SLCO1B3: variants seen among roughly 807,000 people sequenced by gnomAD.
SLCO1B3 encodes the protein liver-specific organic anion transporter 2.
A neutral mutation model predicts 71.8 loss-of-function variants in SLCO1B3; 72 were observed. The ratio of observed to expected loss-of-function variants is 1.00; its 90% CI spans 0.83 to 1.22. The LOEUF is 1.22. SLCO1B3 is among the 50% of genes most tolerant of loss of function. The pLI is 0.00. For missense variants in SLCO1B3, 911 were observed against 819.7 expected, an observed-to-expected ratio of 1.11 and a Z score of -1.36; for synonymous variants, 298 against 278.4, an observed-to-expected ratio of 1.07 and a Z score of -0.70.
In SLCO1B3 at chr12:20,867,986, G is replaced by A. The variant is rs146755096; in HGVS notation, c.727+5132G>A. 1.9e-3 allele frequency among the ~76,000 whole-genome samples: 288 copies of A among 152,242 alleles called. 1 individual carries two copies. The highest frequency in any genetic ancestry group is 6.8e-3 in the African/African-American group (282 of 41,560). On this transcript the variant is annotated intron_variant, in intron 8 of 15. Coordinates refer to ENST00000381545, the MANE Select transcript of SLCO1B3 (RefSeq NM_019844.4). ...CTCCTCTACCTGTTCAATGTGAAGAGATGAGGATGATGAAAAGCGTTATGA... is the reference window on the plus strand; with the variant it reads ...CTCCTCTACCTGTTCAATGTGAAGAAATGAGGATGATGAAAAGCGTTATGA...
intron 13 of SLCO1B3, among the ~76,000 whole-genome samples, chr12:20,897,957 C>T (rs888303451): frequency 1.3e-5 from 2 of 151,908 alleles, no homozygotes; most frequent in African/African-American, 2.4e-5. Context: ...GTTTTTTGAC[C>T]CTTCTGGTTG....
intron 3 of SLCO1B3, among the ~76,000 whole-genome samples, chr12:20,818,441 GC>G: frequency 6.6e-6 from 1 of 152,208 alleles, no homozygotes; most frequent in South Asian, 2.1e-4. Flanking sequence ...TATAGGAAAG[GC>G]CTCTACCTAT....
At chr12:20,814,499 T>C (rs1864156748) in intron 2 of SLCO1B3, among the ~76,000 whole-genome samples, 1 of 152,172 alleles carries the variant, frequency 6.6e-6, no homozygotes, top group African/African-American at 2.4e-5. Context: ...GGACTTTTAT[T>C]AATATAAAGT....
intron 3 of SLCO1B3, among the ~76,000 whole-genome samples, chr12:20,832,870 G>A (rs1415978576): frequency 6.6e-6 from 1 of 152,120 alleles, no homozygotes; most frequent in Admixed American, 6.5e-5. Context: ...ATCACCAGCT[G>A]ACACTAAGAC....
intron 3 of SLCO1B3, among the ~76,000 whole-genome samples, chr12:20,853,356 T>TG (rs1865060738): frequency 6.6e-6 from 1 of 152,040 alleles, no homozygotes; most frequent in Non-Finnish European, 1.5e-5. Context: ...GTGAAGACAT[T>TG]GGTTACTGGT....
chr12:20,879,425 T>C lies in SLCO1B3; in HGVS notation c.1136-11T>C. 2 of 1,554,344 alleles carry C rather than the reference T, an allele frequency of 1.3e-6. No homozygotes were observed. Among genetic ancestry groups the C allele is most frequent in the Non-Finnish European group, 1.8e-6 (2 of 1,140,880 alleles). On this transcript the variant is annotated splice_polypyrimidine_tract_variant and intron_variant, in intron 10 of 15. Transcript: ENST00000381545. ...TATAATTATAGCTTTTTTCTCTTCTTTTATTTCTAGGAATCATAACCATTC... is the reference window on the plus strand; with the variant it reads ...TATAATTATAGCTTTTTTCTCTTCTCTTATTTCTAGGAATCATAACCATTC...
At chr12:20,879,841 T>G (rs1283259033) in intron 11 of SLCO1B3, among the ~76,000 whole-genome samples, 1 of 152,102 alleles carries the variant, frequency 6.6e-6, no homozygotes, top group Non-Finnish European at 1.5e-5. Flanking sequence ...TCGGTTGAAA[T>G]AATAATACCT....
At chr12:20,891,896 T>A (rs1234391361) in intron 13 of SLCO1B3, among the ~76,000 whole-genome samples, 5 of 152,044 alleles carry the variant, frequency 3.3e-5, no homozygotes, top group Non-Finnish European at 5.9e-5. Flanking sequence ...CGTAATAAAA[T>A]CTTTCTCTTC....
At chr12:20,884,780 A>G (rs1189130191) in intron 13 of SLCO1B3, among the ~76,000 whole-genome samples, 1 of 152,144 alleles carries the variant, frequency 6.6e-6, no homozygotes, top group Admixed American at 6.5e-5. Context: ...TAGAAAAAAA[A>G]AAAGCAACCA....
chr12:20,829,574 G>A (rs1864496431), intron 3 of SLCO1B3, among the ~76,000 whole-genome samples: 1 of 151,934 alleles, frequency 6.6e-6, no homozygotes, highest in South Asian at 2.1e-4. Flanking sequence ...GGCAAAATGT[G>A]CAATTGGTTT....
At chr12:20,886,915 G>GT (rs1209520101) in intron 13 of SLCO1B3, among the ~76,000 whole-genome samples, 2 of 151,894 alleles carry the variant, frequency 1.3e-5, no homozygotes, top group African/African-American at 4.8e-5. Context: ...ATTCCACTCT[G>GT]TAAGTCCTTG....
chr12:20,820,019 A>G (rs1864263957), intron 3 of SLCO1B3, among the ~76,000 whole-genome samples: 2 of 152,012 alleles, frequency 1.3e-5, no homozygotes, highest in African/African-American at 4.8e-5. Context: ...TAACTAAAAA[A>G]GAGTGCATAA....
rs1342375253 is a variant in SLCO1B3 at position 20,879,418 on chromosome 12, CTCT to C, written c.1136-13_1136-11del. 4 of 1,527,314 alleles carry C rather than the reference CTCT, an allele frequency of 2.6e-6. No homozygotes were observed. Among genetic ancestry groups the C allele is most frequent in the Non-Finnish European group, 2.7e-6 (3 of 1,118,634 alleles). The allele number at this position is 1,527,314 out of a possible 1,614,324, so 94.6% of individuals were successfully genotyped here. A position where few individuals can be genotyped will look rare whatever the true frequency, so the allele number is the denominator to read the frequency against. ...ATATTTGTATAATTATAGCTTTTTT[CTCT>C]TCTTTTATTTCTAGGAATCATAACC... On this transcript the variant is annotated splice_polypyrimidine_tract_variant and intron_variant, in intron 10 of 15. Coordinates refer to ENST00000381545, the MANE Select transcript of SLCO1B3 (RefSeq NM_019844.4).
intron 15 of SLCO1B3, among the ~76,000 whole-genome samples, chr12:20,903,780 C>T (rs186953347): frequency 2.0e-5 from 3 of 152,244 alleles, no homozygotes; most frequent in East Asian, 3.9e-4. Flanking sequence ...AATCCCTGGT[C>T]GTTCCCAAAT....
chr12:20,877,231 T>C (rs1865599630), intron 9 of SLCO1B3, among the ~76,000 whole-genome samples: 1 of 123,986 alleles, frequency 8.1e-6, no homozygotes, highest in African/African-American at 2.6e-5. Flanking sequence ...ACTGTAAACA[T>C]TTTCTATATT....
chr12:20,877,218 GC>G (rs1238889286), intron 9 of SLCO1B3, among the ~76,000 whole-genome samples: 2 of 150,150 alleles, frequency 1.3e-5, no homozygotes, highest in African/African-American at 4.9e-5. Flanking sequence ...AAAAAAAGGG[GC>G]AACTGTAAAC....
chr12:20,864,543 A>G (rs1291101142), intron 8 of SLCO1B3, among the ~76,000 whole-genome samples: 1 of 152,184 alleles, frequency 6.6e-6, no homozygotes, highest in African/African-American at 2.4e-5. Context: ...TATATCTTCC[A>G]TGTTAGACAT....
At chr12:20,913,116 T>C (rs1197937949) in intron 15 of SLCO1B3, among the ~76,000 whole-genome samples, 1 of 152,202 alleles carries the variant, frequency 6.6e-6, no homozygotes, top group Non-Finnish European at 1.5e-5. Flanking sequence ...TTGATAGTGT[T>C]GTTGAGTTCA....
intron 3 of SLCO1B3, among the ~76,000 whole-genome samples, chr12:20,828,663 A>T (rs1163527844): frequency 6.6e-6 from 1 of 152,094 alleles, no homozygotes; most frequent in African/African-American, 2.4e-5. Flanking sequence ...ACACACACAC[A>T]CACTCACACA....
Sources: gnomAD v4.1 joint callset for allele counts (sites outside exome capture counted in the v4.1 genomes callset) on GRCh38, gnomAD v4.1.1 for gene constraint, MANE v1.5 for transcripts, NCBI Gene and HGNC (gene_info 2026-07-23, HGNC 2026-07-21) for gene names.